TNS1: variants seen among roughly 807,000 people sequenced by gnomAD.
TNS1 encodes the protein tensin 1, also known as tensin-1.
A neutral mutation model predicts 168.6 loss-of-function variants in TNS1; 62 were observed. The ratio of observed to expected loss-of-function variants is 0.37; its 90% confidence interval spans 0.30 to 0.45. The LOEUF is 0.45. Among genes scored for constraint, TNS1 ranks in the 20% least tolerant of loss-of-function variants. TNS1 has a pLI of 1.00. For missense variants in TNS1, 2,240 were observed against 2,339.4 expected, an observed-to-expected ratio of 0.96 and a Z score of 0.88; for synonymous variants, 934 against 933.2, an observed-to-expected ratio of 1.00 and a Z score of -0.02.
intron 18 of TNS1, among the ~76,000 whole-genome samples, chr2:217,866,769 C>T (rs924124328): frequency 1.4e-4 from 22 of 152,164 alleles, no homozygotes; most frequent in African/African-American, 5.3e-4. Context: ...ACTGTGGCTC[C>T]AGATCCCTTG....
In TNS1 at chr2:217,872,572, C is replaced by T. The variant is rs562506996; in HGVS notation, c.1429+8326G>A. 4.6e-5 allele frequency among the ~76,000 whole-genome samples: 7 copies of T among 152,306 alleles called. No homozygotes were observed. In the East Asian group the frequency reaches 9.6e-4, roughly 21 times the overall value. On this transcript the variant is annotated intron_variant, in intron 18 of 32. Transcript: ENST00000682258. ...TAGAAAATAAATGTGGGTGAGGATG[C>T]GGAGGAAGTCTCATACATTGCTGGT...
intron 3 of TNS1, among the ~76,000 whole-genome samples, chr2:217,959,882 G>A (rs1397151469): frequency 6.6e-6 from 1 of 152,036 alleles, no homozygotes; most frequent in Non-Finnish European, 1.5e-5. Context: ...GCTGGGGCTG[G>A]GAGGGTGGGA....
intron 18 of TNS1, among the ~76,000 whole-genome samples, chr2:217,849,478 T>G (rs11902263): frequency 0.41 from 62,025 of 152,130 alleles, 13,851 homozygotes; most frequent in African/African-American, 0.61. Flanking sequence ...CATCTGAAAT[T>G]GCCAATATTC....
intron 1 of TNS1, among the ~76,000 whole-genome samples, chr2:218,016,243 A>C (rs1391559118): frequency 1.3e-5 from 2 of 152,028 alleles, no homozygotes; most frequent in Admixed American, 1.3e-4. Context: ...GCACAAGGGG[A>C]GGGGAGCTGA....
intron 23 of TNS1, among the ~76,000 whole-genome samples, chr2:217,819,028 C>T (rs964729790): frequency 2.6e-5 from 4 of 152,208 alleles, no homozygotes; most frequent in South Asian, 4.1e-4. Context: ...CCAAAGCCCA[C>T]GTCTTCCCCA....
At chr2:217,909,789 G>C (rs1242950202) in intron 4 of TNS1, among the ~76,000 whole-genome samples, 1 of 152,070 alleles carries the variant, frequency 6.6e-6, no homozygotes, top group African/African-American at 2.4e-5. Context: ...CTCCCTAAAA[G>C]GCCTTGGCAG....
At chr2:217,806,728 T>A (rs1247787846) in intron 32 of TNS1, among the ~76,000 whole-genome samples, 1 of 152,234 alleles carries the variant, frequency 6.6e-6, no homozygotes, top group Non-Finnish European at 1.5e-5. Context: ...GACCATGTGA[T>A]AGACTAGTCA....
chr2:217,921,369 C>A (rs1386015633), intron 3 of TNS1, among the ~76,000 whole-genome samples: 1 of 152,222 alleles, frequency 6.6e-6, no homozygotes, highest in Non-Finnish European at 1.5e-5. Flanking sequence ...CCCCTCCCCA[C>A]CCACCAGCCC....
rs756615716 is a variant in TNS1 at position 217,818,065 on chromosome 2, G to T, written c.4267C>A (p.Arg1423=). Residue 1423 remains arginine (R), a synonymous_variant, in exon 24 of 33, where the codon CGG becomes AGG. Transcript: ENST00000682258. The stretch of plus-strand genomic sequence containing the variant: ...GAATAGCCACCATAGGCCACATGCC[G>T]GTCCAAGCAGGGGCTGCCGGGAACC... ...SVVPGSPCLD[R]HVAYGGYSTP... The T allele has an allele frequency of 6.2e-7, 1 of 1,611,232 alleles. No homozygotes were observed.
intron 1 of TNS1, among the ~76,000 whole-genome samples, chr2:218,027,556 C>CTCT (rs1559414779): frequency 1.3e-5 from 2 of 152,020 alleles, no homozygotes; most frequent in East Asian, 3.9e-4. Context: ...CTGTCCCAAG[C>CTCT]AGAACAGGTC....
At chr2:217,865,625 T>A (rs1260254465) in intron 18 of TNS1, among the ~76,000 whole-genome samples, 4 of 152,098 alleles carry the variant, frequency 2.6e-5, no homozygotes, top group African/African-American at 9.7e-5. Context: ...CGACTGGCTG[T>A]AAAGATGTAA....
At chr2:217,895,533 G>A (rs1167668087) in intron 8 of TNS1, among the ~76,000 whole-genome samples, 2 of 152,236 alleles carry the variant, frequency 1.3e-5, no homozygotes, top group South Asian at 2.1e-4. Flanking sequence ...GAGATGATAA[G>A]TAGTTGGCAA....
chr2:217,861,161 G>A (rs901394067), intron 18 of TNS1, among the ~76,000 whole-genome samples: 10 of 152,304 alleles, frequency 6.6e-5, no homozygotes, highest in East Asian at 1.9e-4. Context: ...TTAGGGGGCC[G>A]TAACAGTGGA....
At chr2:218,031,874 G>C (rs373368610) in intron 1 of TNS1, among the ~76,000 whole-genome samples, 1 of 152,224 alleles carries the variant, frequency 6.6e-6, no homozygotes. Flanking sequence ...GCAGAGCCCA[G>C]AAGAGCTGAC....
intron 3 of TNS1, among the ~76,000 whole-genome samples, chr2:217,951,596 T>A (rs556993701): frequency 1.3e-5 from 2 of 152,232 alleles, no homozygotes; most frequent in East Asian, 3.9e-4. Flanking sequence ...CATTCCAGCA[T>A]ATCAGGGCTC....
chr2:217,928,383 C>T (rs1037413043), intron 3 of TNS1, among the ~76,000 whole-genome samples: 4 of 152,370 alleles, frequency 2.6e-5, no homozygotes, highest in Non-Finnish European at 5.9e-5. Flanking sequence ...CTGGCCTTCA[C>T]CGGGGCTTGC....
rs933143354 is a variant in TNS1, at chr2:217,811,631, T to C, written c.5032+737A>G. 8.5e-5 allele frequency among the ~76,000 whole-genome samples: 13 copies of C among 152,138 alleles called. No homozygotes were observed. In the East Asian group the frequency reaches 2.5e-3, roughly 29 times the overall value. ...GACCTTGCACTGCGGGTGAGGCCAG[T>C]GACCCTCAGGTGGGCCCTGTGTTGC... is the stretch of plus-strand genomic sequence containing the variant. On this transcript the variant is annotated intron_variant, in intron 28 of 32. Coordinates refer to ENST00000682258, the MANE Select transcript of TNS1 (RefSeq NM_001387777.1).
In TNS1 at chr2:217,892,929, G is replaced by A; in HGVS notation, c.782+19C>T. On this transcript the variant is annotated intron_variant, in intron 11 of 32. Transcript: ENST00000682258. ...CACTGTCGATGTTCAGAGGATGGGA[G>A]GCTCCAGGCCCCTCTTACCTGGCAG... The A allele has an allele frequency of 6.2e-7, 1 of 1,613,742 alleles. No homozygotes were observed. The highest frequency in any genetic ancestry group is 8.5e-7 in the Non-Finnish European group (1 of 1,179,720).
intron 18 of TNS1, chr2:217,850,499 C>G (rs947423939): frequency 1.0e-6 from 1 of 984,944 alleles, no homozygotes; most frequent in African/African-American, 1.8e-5. Context: ...AGGGCTGACT[C>G]AGGAATGAAG....
Sources: allele counts gnomAD v4.1 joint callset (sites outside exome capture counted in the v4.1 genomes callset), GRCh38; gene constraint gnomAD v4.1.1; transcripts MANE v1.5; gene names NCBI Gene and HGNC (gene_info 2026-07-23, HGNC 2026-07-21).